Variants in MEIOSIN observed in about 807,000 individuals in gnomAD.
MEIOSIN encodes the protein meiosis initiator protein.
In MEIOSIN, 18 loss-of-function variants were observed where a neutral mutation model predicts 23.4. The ratio of observed to expected loss-of-function variants is 0.77; its 90% confidence interval spans 0.53 to 1.14. The LOEUF is 1.14. MEIOSIN is among the 50% of genes most tolerant of loss of function. The probability of loss-of-function intolerance (pLI) is 0.00; values close to 1 mark genes in which losing one functional copy is unlikely to be tolerated. For missense variants in MEIOSIN, 428 were observed against 242.9 expected, an observed-to-expected ratio of 1.76 and a Z score of -5.07; for synonymous variants, 187 against 100.6, an observed-to-expected ratio of 1.86 and a Z score of -5.14.
At chr19:45,744,647 T>A (rs1427562474) in intron 3 of MEIOSIN, among the ~76,000 whole-genome samples, 1 of 151,786 alleles carries the variant, frequency 6.6e-6, no homozygotes, top group African/African-American at 2.4e-5. Context: ...TTACTTTGTC[T>A]CCCAGGCTGG....
At chr19:45,755,649 G>A (rs1464536099) in intron 7 of MEIOSIN, among the ~76,000 whole-genome samples, 4 of 150,540 alleles carry the variant, frequency 2.7e-5, no homozygotes, top group South Asian at 2.1e-4. Flanking sequence ...GGGTTTCACC[G>A]TGTTGGCCAG....
Position 45,758,859 on chromosome 19 carries a change from T to C in MEIOSIN, c.1013-19T>C, listed in dbSNP as rs1968887435. On this transcript the variant is annotated intron_variant, in intron 9 of 14. Coordinates refer to ENST00000457052, the MANE Select transcript of MEIOSIN (RefSeq NM_001310124.2). The stretch of plus-strand genomic sequence containing the variant: ...GGTGATCTCTGGCCACACCCCTGAG[T>C]CTGCTGTTCCCTTTCCAGGGAGCCC... The C allele has an allele frequency of 1.4e-6, 1 of 702,384 alleles. No individual in the cohort carries two copies. The highest frequency in any genetic ancestry group is 2.6e-6 in the Non-Finnish European group (1 of 384,512). The allele number at this position is 702,384 out of a possible 1,614,324, so 43.5% of individuals were successfully genotyped here.
At chr19:45,736,147 C>T (rs901984866) in intron 2 of MEIOSIN, among the ~76,000 whole-genome samples, 2 of 151,992 alleles carry the variant, frequency 1.3e-5, no homozygotes, top group African/African-American at 2.4e-5. Flanking sequence ...TGAGCCTGGG[C>T]TTGATCCTCC....
In MEIOSIN at chr19:45,753,767, AAGAAGCTGACCCAGGCATC is replaced by A; in HGVS notation, c.538_556del (p.Leu181AlafsTer14). 1 of 702,726 alleles carries A rather than the reference AAGAAGCTGACCCAGGCATC, an allele frequency of 1.4e-6. No individual in the cohort carries two copies. The highest frequency in any genetic ancestry group is 2.6e-6 in the Non-Finnish European group (1 of 384,850). The allele number at this position is 702,726 out of a possible 1,614,324, so 43.5% of individuals were successfully genotyped here. On this transcript the variant is annotated frameshift_variant and splice_region_variant, in exon 6 of 15. Coordinates refer to ENST00000457052, the MANE Select transcript of MEIOSIN (RefSeq NM_001310124.2). LOFTEE classifies it high-confidence loss of function. Reference sequence around the variant, plus strand: ...GGGGGCGTGCCAGAAGCCTCGGAAGAAGAAGCTGACCCAGGCATCAGGTACAAGCTGTCACTGGAGGCAG... The same window carrying A: ...GGGGGCGTGCCAGAAGCCTCGGAAGAAGGTACAAGCTGTCACTGGAGGCAG...
In MEIOSIN at chr19:45,757,161, ACTCCAC is replaced by A. The variant is rs1351466299; in HGVS notation, c.912-12_912-7del. The A allele has an allele frequency of 7.1e-6, 5 of 702,314 alleles. No individual in the cohort carries two copies. The highest frequency in any genetic ancestry group is 1.3e-5 in the Non-Finnish European group (5 of 384,714). The allele number at this position is 702,314 out of a possible 1,614,324, so 43.5% of individuals were successfully genotyped here. On this transcript the variant is annotated splice_polypyrimidine_tract_variant and intron_variant, in intron 8 of 14. Coordinates refer to ENST00000457052, the MANE Select transcript of MEIOSIN (RefSeq NM_001310124.2). The stretch of plus-strand genomic sequence containing the variant: ...CAGAGTCTGTGAGTCTGACTCTGAA[ACTCCAC>A]CTCTTGCAGGCAGAAGCTGGTGTTC...
intron 3 of MEIOSIN, 103 bp downstream of exon 3, chr19:45,739,833 C>T (rs1341735260): frequency 3.4e-5 from 22 of 651,870 alleles, no homozygotes; most frequent in Non-Finnish European, 5.8e-5. Context: ...AATGACTGTA[C>T]ACACATGCTT....
At chr19:45,753,833 A>G in intron 6 of MEIOSIN, 45 bp downstream of exon 6, 1 of 681,308 alleles carries the variant, frequency 1.5e-6, no homozygotes, top group African/African-American at 1.8e-5. Context: ...CAGGTCACCC[A>G]GGAGCAGGGC....
chr19:45,752,042 T>G (rs866002282), intron 5 of MEIOSIN, among the ~76,000 whole-genome samples: 3 of 146,502 alleles, frequency 2.0e-5, no homozygotes, highest in Non-Finnish European at 3.0e-5. Context: ...CGTTTTTTTT[T>G]TTTTTTTTTT....
intron 4 of MEIOSIN, among the ~76,000 whole-genome samples, chr19:45,750,221 A>G (rs1366821654): frequency 1.4e-5 from 2 of 146,522 alleles, no homozygotes; most frequent in East Asian, 4.3e-4. Context: ...CTACAGCTAC[A>G]GGCTGGAGTG....
chr19:45,749,981 G>A (rs1275973356), intron 4 of MEIOSIN, among the ~76,000 whole-genome samples: 3 of 147,104 alleles, frequency 2.0e-5, no homozygotes, highest in African/African-American at 5.0e-5. Context: ...TCCAGCCTGG[G>A]CAACATAGCA....
At position 45,741,215 on chromosome 19, in the gene MEIOSIN, C is replaced by T. The variant is rs553128417; in HGVS notation, c.176+1485C>T. Among the ~76,000 whole-genome samples, 15 of 152,132 alleles carry T rather than the reference C, an allele frequency of 9.9e-5. No individual in the cohort carries two copies. The South Asian group carries it at 2.5e-3, about 25-fold the overall frequency. On this transcript the variant is annotated intron_variant, in intron 3 of 14. Transcript: ENST00000457052. ...ATACAAAAATTGGGAGGCATGGTGG[C>T]GGGCACCTGCAATCCCAGCTACTTG... is the stretch of plus-strand genomic sequence containing the variant.
Position 45,735,438 on chromosome 19 carries a change from C to T in MEIOSIN, c.62C>T (p.Pro21Leu), listed in dbSNP as rs1303654728. ...SEQPRANSLGPSDRTLVLCSL... is the reference protein window; with the variant it reads ...SEQPRANSLGLSDRTLVLCSL... Reference sequence around the variant, plus strand: ...CAGCCCAGAGCTAATTCACTGGGTCCCAGTGACAGGTAAGGGCTTGCCCCA... The same window carrying T: ...CAGCCCAGAGCTAATTCACTGGGTCTCAGTGACAGGTAAGGGCTTGCCCCA... The change falls in exon 2 of 15, where the codon CCC becomes CTC. Residue 21 changes from proline (P) to leucine (L), a missense_variant. Coordinates refer to ENST00000457052, the MANE Select transcript of MEIOSIN (RefSeq NM_001310124.2). 1 of 702,572 alleles carries T rather than the reference C, an allele frequency of 1.4e-6. No individual in the cohort carries two copies. Among genetic ancestry groups the T allele is most frequent in the East Asian group, 2.7e-5 (1 of 37,260 alleles). 43.5% of individuals were successfully genotyped at this position (702,572 alleles called of 1,614,324 possible). A position where few individuals can be genotyped will look rare whatever the true frequency, so the allele number is the denominator to read the frequency against.
intron 3 of MEIOSIN, among the ~76,000 whole-genome samples, chr19:45,744,638 T>G (rs1309541302): frequency 6.6e-6 from 1 of 152,050 alleles, no homozygotes; most frequent in Non-Finnish European, 1.5e-5. Context: ...GACGGAGTCT[T>G]ACTTTGTCTC....
At chr19:45,747,615 C>T (rs1365446223) in intron 4 of MEIOSIN, among the ~76,000 whole-genome samples, 1 of 152,226 alleles carries the variant, frequency 6.6e-6, no homozygotes, top group Non-Finnish European at 1.5e-5. Flanking sequence ...ACTGAGCGTT[C>T]CAGGTGTCAG....
chr19:45,761,612 C>T lies in MEIOSIN; in HGVS notation c.1246-67C>T. The T allele has an allele frequency of 7.7e-6, 5 of 650,126 alleles. No homozygotes were observed. In the South Asian group the frequency reaches 8.2e-5, roughly 11 times the overall value. The allele number at this position is 650,126 out of a possible 1,614,324, so 40.3% of individuals were successfully genotyped here. ...ATGCTCATGTTATGTCCTAGAAAAG[C>T]AGTACTGGGGGGATGAAGGGGCACC... is the stretch of plus-strand genomic sequence containing the variant. On this transcript the variant is annotated intron_variant, in intron 11 of 14. Transcript: ENST00000457052.
intron 2 of MEIOSIN, 92 bp downstream of exon 2, chr19:45,735,539 A>C: frequency 1.6e-6 from 1 of 628,686 alleles, no homozygotes. Flanking sequence ...CGTTTGCTAG[A>C]CTCTTTGCCA....
intron 5 of MEIOSIN, among the ~76,000 whole-genome samples, chr19:45,751,632 C>T (rs1968711838): frequency 6.6e-6 from 1 of 150,456 alleles, no homozygotes; most frequent in South Asian, 2.1e-4. Context: ...CCTCCCGGGC[C>T]TCTGCCAGTA....
At chr19:45,762,505 G>A (rs1968967160) in intron 13 of MEIOSIN, among the ~76,000 whole-genome samples, 1 of 152,186 alleles carries the variant, frequency 6.6e-6, no homozygotes, top group African/African-American at 2.4e-5. Flanking sequence ...ACAGCTCACT[G>A]CAATGTCTGC....
intron 2 of MEIOSIN, among the ~76,000 whole-genome samples, chr19:45,737,405 C>A (rs982896919): frequency 6.6e-6 from 1 of 150,876 alleles, no homozygotes; most frequent in East Asian, 2.0e-4. Flanking sequence ...GTCTCAAACT[C>A]CTGGGATCCA....
Sources: gnomAD v4.1 joint callset for allele counts (sites outside exome capture counted in the v4.1 genomes callset) on GRCh38, gnomAD v4.1.1 for gene constraint, MANE v1.5 for transcripts, NCBI Gene and HGNC (gene_info 2026-07-23, HGNC 2026-07-21) for gene names.